The following KDM4C variants were observed in gnomAD, a reference collection of about 807,000 sequenced individuals.
The protein encoded by KDM4C is lysine-specific demethylase 4C.
In KDM4C, 81 loss-of-function variants were observed where a neutral mutation model predicts 129.3. The observed-to-expected ratio is 0.63, with a 90% CI of 0.52 to 0.75. The LOEUF is 0.75. KDM4C is among the 30% of genes least tolerant of loss of function. KDM4C has a pLI of 0.00. For synonymous variants in KDM4C, 573 were observed against 456.1 expected, an observed-to-expected ratio of 1.26 and a Z score of -3.26; for missense variants, 1,457 against 1,304.0, an observed-to-expected ratio of 1.12 and a Z score of -1.81.
At chr9:6,749,986 CAAAAAAAAAAAAAAA>C (rs57999664) in intron 1 of KDM4C, among the ~76,000 whole-genome samples, 1 of 55,604 alleles carries the variant, frequency 1.8e-5, no homozygotes, top group African/African-American at 5.4e-5. Context: ...AACTCCTTCT[CAAAAAAAAAAAAAAA>C]AAAAAAAAAA....
At chr9:6,788,681 G>T (rs1321147598) in intron 1 of KDM4C, among the ~76,000 whole-genome samples, 1 of 152,216 alleles carries the variant, frequency 6.6e-6, no homozygotes, top group African/African-American at 2.4e-5. Context: ...TGTATGCTAG[G>T]GCTTAAAGAG....
rs150777497 is a variant in KDM4C at position 7,109,707 on chromosome 9, G to A, written c.2610+5837G>A. ...TTGTAGCTTTTTATGAGCCCATTGCGTACCAGTTGACCAAAATTTTCTTCT... is the reference window on the plus strand; with the variant it reads ...TTGTAGCTTTTTATGAGCCCATTGCATACCAGTTGACCAAAATTTTCTTCT... On this transcript the variant is annotated intron_variant, in intron 18 of 21. Coordinates refer to ENST00000381309, the MANE Select transcript of KDM4C (RefSeq NM_015061.6). 1.1e-3 allele frequency among the ~76,000 whole-genome samples: 172 copies of A among 152,164 alleles called. 1 individual carries two copies. The highest frequency in any genetic ancestry group is 3.9e-3 in the African/African-American group (160 of 41,506).
chr9:6,722,286 C>G (rs532628135), intron 1 of KDM4C, among the ~76,000 whole-genome samples: 1 of 152,244 alleles, frequency 6.6e-6, no homozygotes, highest in East Asian at 1.9e-4. Context: ...AGTTTCCTCC[C>G]AGTGTCCTAG....
At chr9:6,887,872 A>G (rs891598598) in intron 6 of KDM4C, 88 bp from the exon 7 acceptor site, 11 of 808,498 alleles carry the variant, frequency 1.4e-5, no homozygotes, top group Non-Finnish European at 2.4e-5. Context: ...TCAAACAGTA[A>G]GAACACTAGA....
chr9:6,728,398 G>A (rs921792622), intron 1 of KDM4C, among the ~76,000 whole-genome samples: 7 of 152,070 alleles, frequency 4.6e-5, no homozygotes, highest in African/African-American at 1.7e-4. Context: ...GCTGGGCACA[G>A]TGGAACGCGC....
intron 19 of KDM4C, among the ~76,000 whole-genome samples, chr9:7,160,286 T>A (rs1843646090): frequency 6.6e-6 from 1 of 152,212 alleles, no homozygotes; most frequent in South Asian, 2.1e-4. Flanking sequence ...CATGCCTCTT[T>A]AGCTTGGAGA....
At position 7,115,010 on chromosome 9, in the gene KDM4C, T is replaced by TAAAGATTGC. The variant is rs1358696585; in HGVS notation, c.2610+11142_2610+11150dup. On this transcript the variant is annotated intron_variant, in intron 18 of 21. Transcript: ENST00000381309. ...TATAGGATCACTTGAGCCCAGGAGG[T>TAAAGATTGC]AAAGATTGCAGTGAGCCAAGATTGC... Among the ~76,000 whole-genome samples, 99 of 151,914 alleles carry TAAAGATTGC rather than the reference T, an allele frequency of 6.5e-4. 5 individuals carry two copies.
intron 1 of KDM4C, among the ~76,000 whole-genome samples, chr9:6,724,995 G>T (rs997936738): frequency 2.0e-5 from 3 of 152,108 alleles, no homozygotes; most frequent in Non-Finnish European, 2.9e-5. Flanking sequence ...GGGAGGATCG[G>T]TTTCCTTGCC....
intron 17 of KDM4C, among the ~76,000 whole-genome samples, chr9:7,061,698 T>G (rs1831693249): frequency 6.6e-6 from 1 of 152,208 alleles, no homozygotes. Flanking sequence ...AAGTCCACTT[T>G]TTTCCCAATA....
intron 17 of KDM4C, chr9:7,076,928 C>T (rs957253593): frequency 2.0e-6 from 2 of 986,368 alleles, no homozygotes; most frequent in Non-Finnish European, 2.4e-6. Context: ...ATAGGAGTCT[C>T]AGAAGTTACA....
chr9:6,948,814 TC>T (rs1343282770), intron 8 of KDM4C, among the ~76,000 whole-genome samples: 1 of 152,096 alleles, frequency 6.6e-6, no homozygotes, highest in Non-Finnish European at 1.5e-5. Flanking sequence ...AGGTCATAGA[TC>T]AACAGGATCC....
intron 15 of KDM4C, among the ~76,000 whole-genome samples, chr9:7,017,931 G>C (rs1397329416): frequency 6.6e-6 from 1 of 152,182 alleles, no homozygotes; most frequent in Non-Finnish European, 1.5e-5. Context: ...GGGAGTGAAA[G>C]AAGGGATAAA....
intron 8 of KDM4C, among the ~76,000 whole-genome samples, chr9:6,906,426 G>A (rs1376450298): frequency 1.3e-5 from 2 of 152,108 alleles, no homozygotes; most frequent in Non-Finnish European, 2.9e-5. Context: ...GTCTATGGGC[G>A]AATTGGGAGA....
intron 15 of KDM4C, among the ~76,000 whole-genome samples, chr9:7,026,651 A>G (rs1169340821): frequency 2.6e-5 from 4 of 151,840 alleles, no homozygotes; most frequent in Non-Finnish European, 4.4e-5. Flanking sequence ...GAAATTCTCT[A>G]TTATTCTTCC....
At chr9:6,935,468 G>A (rs941695492) in intron 8 of KDM4C, among the ~76,000 whole-genome samples, 1 of 151,340 alleles carries the variant, frequency 6.6e-6, no homozygotes, top group Admixed American at 6.6e-5. Context: ...CCAGGCTGGA[G>A]TGCAGTGGCA....
At position 6,893,183 on chromosome 9, in the gene KDM4C, C is replaced by G. The variant is rs758778287; in HGVS notation, c.872C>G (p.Thr291Arg). 1 of 1,611,078 alleles carries G rather than the reference C, an allele frequency of 6.2e-7. No individual in the cohort carries two copies. The highest frequency in any genetic ancestry group is 1.3e-5 in the African/African-American group (1 of 74,818). ...FNHGFNCAES[T>R]NFATVRWIDY... ...CATGGTTTCAACTGTGCAGAATCTA[C>G]AAATTTTGCTACTGTCAGATGGATT... The change falls in exon 8 of 22, where the codon ACA becomes AGA. Residue 291 changes from threonine (T) to arginine (R), a missense_variant. By Grantham distance (71) the Thr-to-Arg change is moderately conservative. Transcript: ENST00000381309.
chr9:6,818,470 C>CAG (rs1832511892), intron 4 of KDM4C, among the ~76,000 whole-genome samples: 2 of 152,148 alleles, frequency 1.3e-5, no homozygotes, highest in Non-Finnish European at 2.9e-5. Flanking sequence ...GGTGAGGGCT[C>CAG]AGAGAGAGGC....
At chr9:6,742,066 G>A (rs1054679629) in intron 1 of KDM4C, among the ~76,000 whole-genome samples, 2 of 151,712 alleles carry the variant, frequency 1.3e-5, no homozygotes, top group Non-Finnish European at 2.9e-5. Context: ...TCCACCTCCC[G>A]GGTTCAAGCG....
intron 17 of KDM4C, among the ~76,000 whole-genome samples, chr9:7,064,932 G>T (rs993658321): frequency 6.6e-6 from 1 of 152,140 alleles, no homozygotes; most frequent in Non-Finnish European, 1.5e-5. Context: ...GTGAGACGAC[G>T]TAAGTTCTTG....
Sources: allele counts gnomAD v4.1 joint callset (sites outside exome capture counted in the v4.1 genomes callset), GRCh38; gene constraint gnomAD v4.1.1; transcripts MANE v1.5; gene names NCBI Gene and HGNC (gene_info 2026-07-23, HGNC 2026-07-21).